The following SERPINB12 variants were observed in gnomAD, a reference collection of about 807,000 sequenced individuals.
SERPINB12 encodes serpin B12.
A neutral mutation model predicts 41.1 loss-of-function variants in SERPINB12; 57 were observed. That is an observed-to-expected ratio of 1.39 (90% confidence interval 1.12 to 1.73). SERPINB12 has a LOEUF of 1.73. Among genes scored for constraint, SERPINB12 ranks in the 40% most tolerant of loss-of-function variants. SERPINB12 has a pLI of 0.00. For synonymous variants in SERPINB12, 180 were observed against 181.3 expected (o/e 0.99, Z 0.06); for missense variants, 536 against 501.9 (o/e 1.07, Z -0.65).
the SERPINB12 span, among the ~76,000 whole-genome samples, chr18:63,520,661 A>G: frequency 6.6e-6 from 1 of 152,206 alleles, no homozygotes; most frequent in Non-Finnish European, 1.5e-5. Flanking sequence ...ACAGTGGTAG[A>G]AAAACCAGAC....
the SERPINB12 span, among the ~76,000 whole-genome samples, chr18:63,524,396 T>C: frequency 6.6e-6 from 1 of 152,098 alleles, no homozygotes; most frequent in East Asian, 1.9e-4. Context: ...GTCAAGCAAT[T>C]CTCCTGCCTC....
upstream of SERPINB12, among the ~76,000 whole-genome samples, chr18:63,538,700 T>C (rs1910218867): frequency 6.6e-6 from 1 of 152,190 alleles, no homozygotes; most frequent in Non-Finnish European, 1.5e-5. Flanking sequence ...TATCTTAGGT[T>C]TATACCTATG....
intron 5 of SERPINB12, among the ~76,000 whole-genome samples, chr18:63,563,061 G>A (rs566276751): frequency 6.6e-6 from 1 of 152,246 alleles, no homozygotes; most frequent in South Asian, 2.1e-4. Flanking sequence ...ACTGCTTCTT[G>A]GCTGTGTGAC....
At chr18:63,520,936 T>C in the SERPINB12 span, among the ~76,000 whole-genome samples, 1 of 152,210 alleles carries the variant, frequency 6.6e-6, no homozygotes, top group Admixed American at 6.5e-5. Context: ...AAACTAACTG[T>C]GTGTATTCAA....
At position 63,567,099 on chromosome 18, in the gene SERPINB12, T is replaced by C. The variant is rs1379607370; in HGVS notation, c.*88T>C. On this transcript the variant is annotated 3_prime_UTR_variant, in exon 8 of 8. Coordinates refer to ENST00000382768, the MANE Select transcript of SERPINB12 (RefSeq NM_001307928.2). Reference sequence around the variant, plus strand: ...ATAAGATGGGCATTTGAGTTTTTGGTAATATCTAAAGCATCTCCTTCATCC... The same window carrying C: ...ATAAGATGGGCATTTGAGTTTTTGGCAATATCTAAAGCATCTCCTTCATCC... The C allele has an allele frequency of 1.5e-6, 2 of 1,322,462 alleles. No individual in the cohort carries two copies. Among genetic ancestry groups the C allele is most frequent in the African/African-American group, 3.0e-5 (2 of 67,748 alleles). 81.9% of individuals were successfully genotyped at this position (1,322,462 alleles called of 1,614,324 possible). A position where few individuals can be genotyped will look rare whatever the true frequency, so the allele number is the denominator to read the frequency against.
intron 1 of SERPINB12, among the ~76,000 whole-genome samples, chr18:63,549,719 G>A (rs556113415): frequency 6.6e-5 from 10 of 152,236 alleles, no homozygotes; most frequent in South Asian, 2.1e-4. Flanking sequence ...GTTCACGGCC[G>A]TCCTGAGATG....
upstream of SERPINB12, among the ~76,000 whole-genome samples, chr18:63,541,561 C>A (rs1728714473): frequency 6.6e-6 from 1 of 152,058 alleles, no homozygotes; most frequent in Non-Finnish European, 1.5e-5. Flanking sequence ...TTTTTCTTAA[C>A]CAAATATGAA....
upstream of SERPINB12, among the ~76,000 whole-genome samples, chr18:63,539,731 A>G (rs1427681944): frequency 6.6e-6 from 1 of 152,100 alleles, no homozygotes; most frequent in Non-Finnish European, 1.5e-5. Context: ...GGGAGGTATG[A>G]TATGGGGCCA....
At chr18:63,561,587 C>T (rs1910912851) in intron 5 of SERPINB12, among the ~76,000 whole-genome samples, 1 of 152,166 alleles carries the variant, frequency 6.6e-6, no homozygotes, top group Non-Finnish European at 1.5e-5. Context: ...GACATATGCA[C>T]TCATATGTTC....
chr18:63,545,271 T>A (rs78615073), intron 1 of SERPINB12, among the ~76,000 whole-genome samples: 6,173 of 152,086 alleles, frequency 0.041, 423 homozygotes, highest in African/African-American at 0.14. Context: ...GACCTCCAAA[T>A]TTCTTTCAAA....
At chr18:63,544,883 A>T (rs1023620246) in intron 1 of SERPINB12, among the ~76,000 whole-genome samples, 1 of 152,148 alleles carries the variant, frequency 6.6e-6, no homozygotes, top group Non-Finnish European at 1.5e-5. Context: ...GTCTATGCTG[A>T]TATTTTTCCT....
chr18:63,522,406 T>A, the SERPINB12 span, among the ~76,000 whole-genome samples: 1,253 of 152,228 alleles, frequency 8.2e-3, 18 homozygotes, highest in African/African-American at 0.029. Flanking sequence ...AAAAAGTAAA[T>A]GTTTCCACTT....
In SERPINB12 at chr18:63,568,179, G is replaced by A. The variant is rs150156303; in HGVS notation, c.*1168G>A. Among the ~76,000 whole-genome samples, 40 of 152,264 alleles carry A rather than the reference G, an allele frequency of 2.6e-4. No individual in the cohort carries two copies. The highest frequency in any genetic ancestry group is 8.9e-4 in the African/African-American group (37 of 41,558). On this transcript the variant is annotated 3_prime_UTR_variant, in exon 8 of 8. Transcript: ENST00000382768. The stretch of plus-strand genomic sequence containing the variant: ...GTGGATCACTTGAGTCCAGGAGTTC[G>A]AGACCAGCCTGGGCAACATATTGAG...
At position 63,562,540 on chromosome 18, in the gene SERPINB12, T is replaced by A. The variant is rs921324157; in HGVS notation, c.562+1338T>A. ...TCCTCCCTTCCATTTGGTGGCTTTC[T>A]CTCCCTGTCTCCTCTTTTTCTCACA... On this transcript the variant is annotated intron_variant, in intron 5 of 7. Transcript: ENST00000382768. 4.6e-5 allele frequency among the ~76,000 whole-genome samples: 7 copies of A among 152,266 alleles called. No individual in the cohort carries two copies. The East Asian group carries it at 1.4e-3, about 29-fold the overall frequency.
chr18:63,567,112 A>G lies in SERPINB12; in HGVS notation c.*101A>G. On this transcript the variant is annotated 3_prime_UTR_variant, in exon 8 of 8. Transcript: ENST00000382768. ...TTGAGTTTTTGGTAATATCTAAAGC[A>G]TCTCCTTCATCCTCCAGCCATCGGC... 1 of 1,114,902 alleles carries G rather than the reference A, an allele frequency of 9.0e-7. No individual in the cohort carries two copies. The highest frequency in any genetic ancestry group is 1.3e-6 in the Non-Finnish European group (1 of 788,812). The allele number at this position is 1,114,902 out of a possible 1,614,324, so 69.1% of individuals were successfully genotyped here.
rs1259498242 is a variant in SERPINB12, at chr18:63,566,991, GGC to G, written c.1259_1260del (p.Gly420GlufsTer106). ...HNKTQTILFY[G>X]RVCSP ...CAAAACCCAAACCATTCTCTTTTATGGCAGGGTCTGCTCTCCTTAAAAGGGGA... is the reference window on the plus strand; with the variant it reads ...CAAAACCCAAACCATTCTCTTTTATGAGGGTCTGCTCTCCTTAAAAGGGGA... On this transcript the variant is annotated frameshift_variant, in exon 8 of 8. Coordinates refer to ENST00000382768, the MANE Select transcript of SERPINB12 (RefSeq NM_001307928.2). LOFTEE classifies it high-confidence loss of function. The G allele has an allele frequency of 6.2e-7, 1 of 1,600,632 alleles. No homozygotes were observed. The highest frequency in any genetic ancestry group is 1.3e-5 in the African/African-American group (1 of 74,302).
chr18:63,519,214 C>T, the SERPINB12 span, among the ~76,000 whole-genome samples: 1 of 152,150 alleles, frequency 6.6e-6, no homozygotes, highest in Non-Finnish European at 1.5e-5. Flanking sequence ...CCCCAACTTA[C>T]CTGATGTGGC....
At chr18:63,544,295 T>A (rs1047416615) in intron 1 of SERPINB12, among the ~76,000 whole-genome samples, 9 of 152,202 alleles carry the variant, frequency 5.9e-5, no homozygotes, top group Non-Finnish European at 1.3e-4. Context: ...AAGGATGAAG[T>A]CCTCATTTAC....
upstream of SERPINB12, among the ~76,000 whole-genome samples, chr18:63,539,586 C>G (rs1230812235): frequency 1.3e-5 from 2 of 152,062 alleles, no homozygotes; most frequent in African/African-American, 4.8e-5. Context: ...AGGTGCCCCC[C>G]ACCCCACCCC....
Sources: gnomAD v4.1 joint callset for allele counts (sites outside exome capture counted in the v4.1 genomes callset) on GRCh38, gnomAD v4.1.1 for gene constraint, MANE v1.5 for transcripts, NCBI Gene and HGNC (gene_info 2026-07-23, HGNC 2026-07-21) for gene names.